The following GPR39 variants were observed in gnomAD, a reference collection of about 807,000 sequenced individuals.
The protein encoded by GPR39 is G protein-coupled receptor 39.
In GPR39, 23 loss-of-function variants were observed where a neutral mutation model predicts 18.4. That is an observed-to-expected ratio of 1.25 (90% confidence interval 0.90 to 1.77). The LOEUF (loss-of-function observed/expected upper bound fraction) is 1.77. Ranked by LOEUF, GPR39 falls within the 40% of genes most tolerant of loss-of-function variation. The probability of loss-of-function intolerance (pLI) is 0.00; values close to 1 mark genes in which losing one functional copy is unlikely to be tolerated. For missense variants in GPR39, 647 were observed against 602.4 expected (o/e 1.07, Z -0.78); for synonymous variants, 280 against 257.9 (o/e 1.09, Z -0.82).
intron 1 of GPR39, among the ~76,000 whole-genome samples, chr2:132,563,812 G>A (rs953094095): frequency 6.6e-6 from 1 of 151,728 alleles, no homozygotes; most frequent in African/African-American, 2.4e-5. Flanking sequence ...GATTTAAATA[G>A]GTGGCCTGGG....
chr2:132,474,152 T>C (rs1184732653), intron 1 of GPR39, among the ~76,000 whole-genome samples: 2 of 152,232 alleles, frequency 1.3e-5, no homozygotes, highest in Non-Finnish European at 2.9e-5. Flanking sequence ...TAACAGTTAA[T>C]GAAATTTCTG....
intron 1 of GPR39, among the ~76,000 whole-genome samples, chr2:132,554,129 T>C (rs1209852274): frequency 6.6e-6 from 1 of 152,190 alleles, no homozygotes; most frequent in Non-Finnish European, 1.5e-5. Flanking sequence ...GAAAGCCTAA[T>C]GATCCAAAGC....
chr2:132,502,828 A>G (rs1369874642), intron 1 of GPR39, among the ~76,000 whole-genome samples: 1 of 152,060 alleles, frequency 6.6e-6, no homozygotes, highest in African/African-American at 2.4e-5. Context: ...TCGAGCTCTG[A>G]AGTTCTTTCT....
At chr2:132,535,695 C>CTTTTTTTCTTTTTTTTTTTTTTTT (rs1679742946) in intron 1 of GPR39, among the ~76,000 whole-genome samples, 1 of 96,540 alleles carries the variant, frequency 1.0e-5, no homozygotes, top group Admixed American at 1.1e-4. Flanking sequence ...TGGTCCTGGG[C>CTTTTTTTCTTTTTTTTTTTTTTTT]TTTTTTTTTT....
chr2:132,446,200 C>T (rs532362271), intron 1 of GPR39, among the ~76,000 whole-genome samples: 1 of 152,300 alleles, frequency 6.6e-6, no homozygotes, highest in African/African-American at 2.4e-5. Context: ...ATACTGAGTG[C>T]CCAGCATGGC....
intron 1 of GPR39, among the ~76,000 whole-genome samples, chr2:132,452,541 A>G (rs997700955): frequency 6.6e-6 from 1 of 152,010 alleles, no homozygotes; most frequent in Non-Finnish European, 1.5e-5. Flanking sequence ...GGTTTGATAC[A>G]TAGGTATACA....
At chr2:132,601,749 C>A (rs1292352594) in intron 1 of GPR39, among the ~76,000 whole-genome samples, 1 of 152,052 alleles carries the variant, frequency 6.6e-6, no homozygotes, top group South Asian at 2.1e-4. Context: ...ATGCAAAAAT[C>A]AGTAGTGTCT....
chr2:132,436,086 C>G lies in GPR39; in HGVS notation c.856+18188C>G, dbSNP rs549643937. On this transcript the variant is annotated intron_variant, in intron 1 of 1. Transcript: ENST00000329321. ...AAGAGAGCTTTAGGCCCTGAGGCCC[C>G]CCGAGTCCCTAAGCTTTTGAAATTG... 1.1e-4 allele frequency among the ~76,000 whole-genome samples: 17 copies of G among 152,282 alleles called. 1 individual carries two copies. The South Asian group carries it at 3.5e-3, about 32-fold the overall frequency.
chr2:132,589,212 T>TC (rs547376441), intron 1 of GPR39, among the ~76,000 whole-genome samples: 182 of 102,072 alleles, frequency 1.8e-3, no homozygotes, highest in Non-Finnish European at 2.5e-3. Context: ...TCTGGCCATG[T>TC]CCCCCCCTCC....
At chr2:132,430,969 A>G (rs149354979) in intron 1 of GPR39, among the ~76,000 whole-genome samples, 11 of 152,054 alleles carry the variant, frequency 7.2e-5, no homozygotes, top group African/African-American at 2.4e-4. Flanking sequence ...GATATTTCCC[A>G]GGGATCTGGT....
intron 1 of GPR39, among the ~76,000 whole-genome samples, chr2:132,433,997 C>A (rs7423918): frequency 0.21 from 32,513 of 151,620 alleles, 3,636 homozygotes; most frequent in African/African-American, 0.26. Context: ...TAATTTTAGA[C>A]ATTTGGCTTA....
Position 132,645,813 on chromosome 2 carries a change from C to A in GPR39, c.*207C>A. On this transcript the variant is annotated 3_prime_UTR_variant, in exon 2 of 2. Coordinates refer to ENST00000329321, the MANE Select transcript of GPR39 (RefSeq NM_001508.3). ...CCGGTTACACAGACATGGGGGTGAA[C>A]TTTCACTCCACCTCCTTCCTTCAAG... 1 of 715,578 alleles carries A rather than the reference C, an allele frequency of 1.4e-6. No homozygotes were observed. The highest frequency in any genetic ancestry group is 2.2e-6 in the Non-Finnish European group (1 of 446,098). 44.3% of individuals were successfully genotyped at this position (715,578 alleles called of 1,614,324 possible).
chr2:132,598,431 C>CTTTTTTTTTTT (rs34104835), intron 1 of GPR39, among the ~76,000 whole-genome samples: 26 of 90,460 alleles, frequency 2.9e-4, no homozygotes, highest in East Asian at 6.7e-4. Context: ...CTAAGGTGAA[C>CTTTTTTTTTTT]TTTTTTTTTT....
At chr2:132,596,224 G>A (rs1365561008) in intron 1 of GPR39, among the ~76,000 whole-genome samples, 1 of 152,104 alleles carries the variant, frequency 6.6e-6, no homozygotes, top group African/African-American at 2.4e-5. Flanking sequence ...TGGGCTCTTT[G>A]GAACAGGTTG....
At chr2:132,506,769 T>C (rs1478892868) in intron 1 of GPR39, among the ~76,000 whole-genome samples, 3 of 152,106 alleles carry the variant, frequency 2.0e-5, no homozygotes, top group African/African-American at 7.2e-5. Context: ...ATGCGAGGAT[T>C]AGGGGAACTA....
intron 1 of GPR39, among the ~76,000 whole-genome samples, chr2:132,419,938 G>C (rs143362845): frequency 6.6e-6 from 1 of 152,276 alleles, no homozygotes; most frequent in African/African-American, 2.4e-5. Context: ...GTAGATGTCT[G>C]TTCTCCCCAC....
chr2:132,548,367 C>T (rs1478176331), intron 1 of GPR39, among the ~76,000 whole-genome samples: 1 of 152,202 alleles, frequency 6.6e-6, no homozygotes, highest in Non-Finnish European at 1.5e-5. Context: ...ACTAACTCAA[C>T]TTTTCATAGG....
At chr2:132,645,053 C>T (rs768089283) in intron 1 of GPR39, 48 bp from the exon 2 acceptor site, 1 of 1,565,486 alleles carries the variant, frequency 6.4e-7, no homozygotes, top group Admixed American at 1.8e-5. Flanking sequence ...TGTTCTCATG[C>T]TGTGTTTTTC....
At chr2:132,434,366 TG>T (rs1422726473) in intron 1 of GPR39, among the ~76,000 whole-genome samples, 2 of 152,214 alleles carry the variant, frequency 1.3e-5, no homozygotes, top group Admixed American at 1.3e-4. Flanking sequence ...CAAGAAGGCC[TG>T]GACAATAAGA....
Sources: allele counts gnomAD v4.1 joint callset (sites outside exome capture counted in the v4.1 genomes callset), GRCh38; gene constraint gnomAD v4.1.1; transcripts MANE v1.5; gene names NCBI Gene and HGNC (gene_info 2026-07-23, HGNC 2026-07-21).